Variants in ZNF18 observed in about 807,000 individuals in gnomAD.
The protein encoded by ZNF18 is zinc finger protein 18.
ZNF18 carries 42 observed loss-of-function variants against 58.1 expected under a neutral mutation model. The observed-to-expected ratio is 0.72, with a 90% CI of 0.56 to 0.93. The LOEUF is 0.93. Among genes scored for constraint, ZNF18 ranks in the 40% least tolerant of loss-of-function variants. ZNF18 has a pLI of 0.00. For synonymous variants in ZNF18, 231 were observed against 239.8 expected, an observed-to-expected ratio of 0.96 and a Z score of 0.34; for missense variants, 540 against 644.2, an observed-to-expected ratio of 0.84 and a Z score of 1.75.
chr17:12,021,050 C>G, the ZNF18 span: 7 of 1,110,322 alleles, frequency 6.3e-6, no homozygotes, highest in Non-Finnish European at 5.7e-6. Flanking sequence ...CGCGGCAACC[C>G]GCGTCGTCGC....
rs1160510172 is a variant in ZNF18 at position 11,991,166 on chromosome 17, A to G, written c.388-3T>C. 6.2e-7 allele frequency: 1 copy of G among 1,611,662 alleles called. No homozygotes were observed. Among genetic ancestry groups the G allele is most frequent in the Admixed American group, 1.7e-5 (1 of 59,722 alleles). On this transcript the variant is annotated splice_polypyrimidine_tract_variant and splice_region_variant and intron_variant, in intron 2 of 6. Coordinates refer to ENST00000580306, the MANE Select transcript of ZNF18 (RefSeq NM_001303281.2). ...TGTCCTAGAACCTGGATACTGATCT[A>G]GAGACCATATATTAATTAGTAATTA...
chr17:12,018,257 A>C, the ZNF18 span, among the ~76,000 whole-genome samples: 1 of 152,256 alleles, frequency 6.6e-6, no homozygotes, highest in Non-Finnish European at 1.5e-5. Context: ...TAAAAAGGTT[A>C]ACTTTTTTTA....
At chr17:11,996,652 T>G (rs563793932) in intron 1 of ZNF18, among the ~76,000 whole-genome samples, 1 of 152,312 alleles carries the variant, frequency 6.6e-6, no homozygotes, top group South Asian at 2.1e-4. Flanking sequence ...TATTAAACCT[T>G]TAACAAATAG....
intron 4 of ZNF18, among the ~76,000 whole-genome samples, chr17:11,987,288 G>A (rs1056938437): frequency 9.2e-5 from 14 of 152,128 alleles, no homozygotes; most frequent in African/African-American, 3.1e-4. Flanking sequence ...ACCGAGTCAT[G>A]GTTTCCACTA....
the ZNF18 span, among the ~76,000 whole-genome samples, chr17:12,014,178 T>C: frequency 4.5e-4 from 69 of 152,358 alleles, no homozygotes; most frequent in African/African-American, 1.6e-3. Flanking sequence ...GAAACCCTCA[T>C]ACTCTTAGTG....
chr17:11,994,245 C>T (rs897535368), intron 1 of ZNF18, among the ~76,000 whole-genome samples: 6 of 152,006 alleles, frequency 3.9e-5, no homozygotes, highest in Admixed American at 2.0e-4. Context: ...TCATCCTTAC[C>T]GTTTCACCAA....
At chr17:11,979,836 G>C (rs1967220574) in intron 6 of ZNF18, among the ~76,000 whole-genome samples, 1 of 152,024 alleles carries the variant, frequency 6.6e-6, no homozygotes, top group Admixed American at 6.6e-5. Context: ...AAATGGCAAA[G>C]GTACTTTCTC....
chr17:12,004,167 G>A, the ZNF18 span, among the ~76,000 whole-genome samples: 1 of 151,900 alleles, frequency 6.6e-6, no homozygotes, highest in Non-Finnish European at 1.5e-5. Flanking sequence ...GGAGATGGAC[G>A]TTGCAGTGAG....
chr17:12,011,381 CATT>C, the ZNF18 span: 1 of 175,940 alleles, frequency 5.7e-6, no homozygotes, highest in Non-Finnish European at 1.2e-5. Flanking sequence ...TTAGTTCCAT[CATT>C]TTTATTATTA....
intron 2 of ZNF18, among the ~76,000 whole-genome samples, 181 bp downstream of exon 2, chr17:11,992,262 T>C (rs1421804879): frequency 5.9e-5 from 9 of 152,204 alleles, no homozygotes; most frequent in Admixed American, 4.6e-4. Context: ...CCTCCAGAGT[T>C]AGCTTCAGAA....
chr17:11,994,394 AC>A (rs1271696441), intron 1 of ZNF18, among the ~76,000 whole-genome samples: 1 of 152,128 alleles, frequency 6.6e-6, no homozygotes, highest in Non-Finnish European at 1.5e-5. Context: ...AGGGGCGCCA[AC>A]CCCCCACACA....
chr17:12,006,754 A>G, the ZNF18 span, among the ~76,000 whole-genome samples: 4 of 152,118 alleles, frequency 2.6e-5, no homozygotes, highest in African/African-American at 9.7e-5. Flanking sequence ...AAAAGAACTG[A>G]GCAAAAATAT....
intron 4 of ZNF18, among the ~76,000 whole-genome samples, chr17:11,987,087 C>G (rs1967797783): frequency 6.6e-6 from 1 of 152,206 alleles, no homozygotes; most frequent in East Asian, 1.9e-4. Context: ...AAAAACCTAA[C>G]TTTCTATCCT....
At position 11,990,489 on chromosome 17, in the gene ZNF18, T is replaced by C. The variant is rs201859346; in HGVS notation, c.639A>G (p.Gly213=). Residue 213 remains glycine (G), a synonymous_variant, in exon 4 of 7, where the codon GGA becomes GGG. Transcript: ENST00000580306. ...GAGGTGCTGCTGGGAGCAGTGAGGC[T>C]CCGAGGTCCTGGTCTCTGATCAGCC... is the stretch of plus-strand genomic sequence containing the variant. ...EERLIRDQDL[G]ASLLPAAPQE... is the part of the protein sequence containing the mutation. 110 of 1,612,996 alleles carry C rather than the reference T, an allele frequency of 6.8e-5. No individual in the cohort carries two copies. Among genetic ancestry groups the C allele is most frequent in the Non-Finnish European group, 9.1e-5 (107 of 1,179,834 alleles).
At chr17:11,982,022 C>T (rs1451942029) in intron 6 of ZNF18, among the ~76,000 whole-genome samples, 1 of 151,774 alleles carries the variant, frequency 6.6e-6, no homozygotes, top group East Asian at 1.9e-4. Flanking sequence ...CTGTCTCCTC[C>T]TCTCCCTCTC....
At chr17:12,007,747 T>A in the ZNF18 span, among the ~76,000 whole-genome samples, 1 of 152,142 alleles carries the variant, frequency 6.6e-6, no homozygotes, top group East Asian at 1.9e-4. Context: ...GACTGAACCT[T>A]TCTCCTTCTA....
chr17:11,984,798 T>C (rs59083006), intron 4 of ZNF18, among the ~76,000 whole-genome samples: 2 of 152,290 alleles, frequency 1.3e-5, no homozygotes, highest in East Asian at 3.9e-4. Flanking sequence ...TGAGCCACCT[T>C]GCCTGGCCGG....
At chr17:11,995,744 T>A (rs766054375) in intron 1 of ZNF18, 10 of 150,824 alleles carry the variant, frequency 6.6e-5, no homozygotes, top group Non-Finnish European at 1.5e-4. Context: ...ACCGACTTGC[T>A]CTAATTGACA....
At chr17:11,998,681 G>A (rs374118460), upstream of ZNF18, among the ~76,000 whole-genome samples, 2 of 152,112 alleles carry the variant, frequency 1.3e-5, no homozygotes, top group Admixed American at 6.5e-5. Context: ...AGCTTGATGC[G>A]GGGATGGGAT....
Sources: allele counts gnomAD v4.1 joint callset (sites outside exome capture counted in the v4.1 genomes callset), GRCh38; gene constraint gnomAD v4.1.1; transcripts MANE v1.5; gene names NCBI Gene and HGNC (gene_info 2026-07-23, HGNC 2026-07-21).